Variants in GANAB observed in about 807,000 individuals in gnomAD.
The protein encoded by GANAB is glucosidase II alpha subunit.
GANAB carries 35 observed loss-of-function variants against 129.9 expected under a neutral mutation model. The ratio of observed to expected loss-of-function variants is 0.27; its 90% CI spans 0.21 to 0.36. The LOEUF is 0.36. Ranked by LOEUF, GANAB falls within the 10% of genes least tolerant of loss-of-function variation. GANAB has a pLI of 1.00. For missense variants in GANAB, 939 were observed against 1,221.0 expected (o/e 0.77, Z 3.44); for synonymous variants, 482 against 451.8 (o/e 1.07, Z -0.85).
chr11:62,628,795 G>T lies in GANAB; in HGVS notation c.2154C>A (p.Ala718=). 2.5e-6 allele frequency: 4 copies of T among 1,613,944 alleles called. No individual in the cohort carries two copies. Among genetic ancestry groups the T allele is most frequent in the Non-Finnish European group, 3.4e-6 (4 of 1,179,966 alleles). ...TCATGACAGGAATGCCTTCCCGATG[G>T]GCCTGATATAAGAGGGTGTACCAGA... ...LPFWYTLLYQ[A]HREGIPVMRP... is the part of the protein sequence containing the mutation. Residue 718 remains alanine, a synonymous_variant, in exon 17 of 24, where the codon GCC becomes GCA. Transcript: ENST00000356638.
At chr11:62,634,202 G>C in intron 5 of GANAB, 1 of 747,530 alleles carries the variant, frequency 1.3e-6, no homozygotes, top group South Asian at 1.5e-5. Context: ...AGGGGAAAGT[G>C]GGGTGAGTGA....
At position 62,627,008 on chromosome 11, in the gene GANAB, C is replaced by G. The variant is rs373029944; in HGVS notation, c.2322+40G>C. ...GTCCCGTCCTGTTTGCCTCCTTTGG[C>G]TTCCACCATCTTTCCCCACCATGCC... is the stretch of plus-strand genomic sequence containing the variant. On this transcript the variant is annotated intron_variant, in intron 19 of 23. Coordinates refer to ENST00000356638, the MANE Select transcript of GANAB (RefSeq NM_198334.3). 959 of 1,593,238 alleles carry G rather than the reference C, an allele frequency of 6.0e-4. 6 individuals are homozygous for G. Among genetic ancestry groups the G allele is most frequent in the Middle Eastern group, 1.7e-4 (1 of 6,040 alleles).
At chr11:62,634,160 G>A in intron 5 of GANAB, 1 of 597,968 alleles carries the variant, frequency 1.7e-6, no homozygotes, top group Non-Finnish European at 3.0e-6. Context: ...CCCAGCCAGG[G>A]TAACAGGTAA....
intron 1 of GANAB, among the ~76,000 whole-genome samples, chr11:62,645,126 A>G (rs1244233901): frequency 6.6e-6 from 1 of 152,160 alleles, no homozygotes; most frequent in Non-Finnish European, 1.5e-5. Context: ...TGCTACCACA[A>G]AACTCCATAG....
rs762563702 is a variant in GANAB, at chr11:62,633,091, A to G, written c.729T>C (p.Ser243=). The G allele has an allele frequency of 6.2e-7, 1 of 1,611,002 alleles. No homozygotes were observed. The highest frequency in any genetic ancestry group is 8.5e-7 in the Non-Finnish European group (1 of 1,177,196). The change falls in exon 8 of 24, where the codon TCT becomes TCC. Residue 243 remains serine (S), a synonymous_variant. Transcript: ENST00000356638. The part of the protein sequence containing the change: ...HSDSKPYGPM[S]VGLDFSLPGM... ...CTGGCAGAGAGAAGTCCAAACCCACAGACATGGGGCCTGGAAGAAAAACAA... is the reference window on the plus strand; with the variant it reads ...CTGGCAGAGAGAAGTCCAAACCCACGGACATGGGGCCTGGAAGAAAAACAA...
chr11:62,644,877 G>A (rs1029581134), intron 1 of GANAB, among the ~76,000 whole-genome samples: 1 of 151,842 alleles, frequency 6.6e-6, no homozygotes. Context: ...CTATAATAAG[G>A]TAACTAAAGA....
intron 1 of GANAB, among the ~76,000 whole-genome samples, chr11:62,643,634 C>T (rs903923015): frequency 6.6e-6 from 1 of 152,100 alleles, no homozygotes; most frequent in African/African-American, 2.4e-5. Context: ...CACAGCGAAA[C>T]ACCACCTAGA....
In GANAB at chr11:62,625,694, A is replaced by G; in HGVS notation, c.*121T>C. 1 of 697,912 alleles carries G rather than the reference A, an allele frequency of 1.4e-6. No individual in the cohort carries two copies. Among genetic ancestry groups the G allele is most frequent in the Non-Finnish European group, 2.6e-6 (1 of 386,764 alleles). The allele number at this position is 697,912 out of a possible 1,614,324, so 43.2% of individuals were successfully genotyped here. On this transcript the variant is annotated 3_prime_UTR_variant, in exon 24 of 24. Transcript: ENST00000356638. ...CTCATCCTGCCCAAATGTTGGCAGA[A>G]TCTGGGTCTTAGACTAGCATAAGTG...
chr11:62,642,267 C>G (rs1944305013), intron 1 of GANAB, among the ~76,000 whole-genome samples: 1 of 152,148 alleles, frequency 6.6e-6, no homozygotes, highest in East Asian at 1.9e-4. Context: ...GTTGCCCAGG[C>G]TGGTCTTAAA....
At position 62,630,293 on chromosome 11, in the gene GANAB, G is replaced by A; in HGVS notation, c.1514-17C>T. 2 of 1,612,954 alleles carry A rather than the reference G, an allele frequency of 1.2e-6. No homozygotes were observed. The highest frequency in any genetic ancestry group is 1.7e-6 in the Non-Finnish European group (2 of 1,179,256). ...CAGCTGAGCCTGGGAGAAGTTAAGG[G>A]TGGCTCTCAATCCCCTAAGGGGCAA... On this transcript the variant is annotated splice_polypyrimidine_tract_variant and intron_variant, in intron 12 of 23. Transcript: ENST00000356638.
intron 13 of GANAB, 72 bp from the exon 14 acceptor site, chr11:62,630,029 G>C (rs1036461348): frequency 1.3e-6 from 2 of 1,513,556 alleles, no homozygotes; most frequent in African/African-American, 1.4e-5. Context: ...TCAGAGAAGA[G>C]AGCTCCTAGG....
In GANAB at chr11:62,630,582, C is replaced by T. The variant is rs1188182048; in HGVS notation, c.1386+19G>A. ...TCAGCCCTACCCTGAGAAGACCAAG[C>T]GTGACTGCAACCCCTTACCTTCCGC... is the stretch of plus-strand genomic sequence containing the variant. On this transcript the variant is annotated intron_variant, in intron 11 of 23. Coordinates refer to ENST00000356638, the MANE Select transcript of GANAB (RefSeq NM_198334.3). 9 of 1,610,978 alleles carry T rather than the reference C, an allele frequency of 5.6e-6. No individual in the cohort carries two copies. Among genetic ancestry groups the T allele is most frequent in the South Asian group, 1.1e-5 (1 of 90,980 alleles).
intron 1 of GANAB, 113 bp from the exon 2 acceptor site, chr11:62,639,844 G>A (rs1419225987): frequency 2.9e-6 from 2 of 695,292 alleles, no homozygotes; most frequent in Non-Finnish European, 2.6e-6. Context: ...AGGAAAGAGG[G>A]GAGAAAGATG....
intron 5 of GANAB, chr11:62,634,531 CTG>C: frequency 1.6e-6 from 1 of 638,208 alleles, no homozygotes; most frequent in Non-Finnish European, 2.8e-6. Flanking sequence ...GAAAATAAAT[CTG>C]GGAAATGTGA....
rs1448061639 is a variant in GANAB at position 62,626,684 on chromosome 11, T to C, written c.2398A>G (p.Ile800Val). The C allele has an allele frequency of 6.3e-7, 1 of 1,591,854 alleles. No homozygotes were observed. Among genetic ancestry groups the C allele is most frequent in the Non-Finnish European group, 8.6e-7 (1 of 1,164,662 alleles). The stretch of plus-strand genomic sequence containing the variant: ...GTCCCTCCACGCTGGAACACAGGGA[T>C]CTAGGGCAAGAGCAATGCCAGGATG... ...TLYLPVTLSSIPVFQRGGTIV... is the reference protein window; with the variant it reads ...TLYLPVTLSSVPVFQRGGTIV... The change falls in exon 21 of 24, where the codon ATC (isoleucine) becomes GTC (valine). Residue 800 changes from isoleucine (I) to valine (V), a missense_variant and splice_region_variant. Physicochemically the swap from Ile to Val is conservative, Grantham distance 29 (BLOSUM62 3). This residue lies in a region of GANAB where 230 missense variants were observed against 259.9 expected (regional missense o/e 0.89). Coordinates refer to ENST00000356638, the MANE Select transcript of GANAB (RefSeq NM_198334.3).
intron 10 of GANAB, 38 bp downstream of exon 10, chr11:62,630,991 AG>A: frequency 6.3e-7 from 1 of 1,578,366 alleles, no homozygotes; most frequent in Non-Finnish European, 8.7e-7. Flanking sequence ...TCACCCGACA[AG>A]AAAAGAGCAG....
chr11:62,639,466 G>A lies in GANAB; in HGVS notation c.145C>T (p.Arg49Ter). The stretch of plus-strand genomic sequence containing the variant: ...AGGCCTGGCCGTATGCTTCTCTGTC[G>A]CCTGCCAAGTGAAGGGTTGGGAAGT... Reference protein sequence around the residue: ...KTCEESSFCKRQRSIRPGLSP... With the variant: ...KTCEESSFCK The change falls in exon 3 of 24, where the codon CGA (arginine) becomes TGA (stop). Residue 49 changes from arginine (R) to a stop codon, truncating the protein, a stop_gained and splice_region_variant. Transcript: ENST00000356638. LOFTEE classifies it high-confidence loss of function. 1 of 1,610,650 alleles carries A rather than the reference G, an allele frequency of 6.2e-7. No individual in the cohort carries two copies. Among genetic ancestry groups the A allele is most frequent in the Non-Finnish European group, 8.5e-7 (1 of 1,176,926 alleles).
intron 4 of GANAB, among the ~76,000 whole-genome samples, chr11:62,637,366 G>C (rs965325509): frequency 3.3e-5 from 5 of 152,134 alleles, no homozygotes; most frequent in South Asian, 2.1e-4. Flanking sequence ...GGCAGATCAC[G>C]ATGTCAGGAG....
intron 1 of GANAB, among the ~76,000 whole-genome samples, chr11:62,641,963 G>A (rs111559762): frequency 2.5e-4 from 38 of 151,844 alleles, no homozygotes; most frequent in African/African-American, 8.5e-4. Context: ...TTGGGAGGCC[G>A]GGGTGGGCGG....
Sources: gnomAD v4.1 joint callset for allele counts (sites outside exome capture counted in the v4.1 genomes callset) on GRCh38, gnomAD v4.1.1 for gene constraint, gnomAD v4.1.1 regional missense constraint, MANE v1.5 for transcripts, NCBI Gene and HGNC (gene_info 2026-07-23, HGNC 2026-07-21) for gene names.